Variants in NDST4 observed in about 807,000 individuals in gnomAD.
NDST4 encodes the protein N-deacetylase and N-sulfotransferase 4.
Under a neutral mutation model 100.8 loss-of-function variants are expected in NDST4, and 63 were observed. The ratio of observed to expected loss-of-function variants is 0.62; its 90% CI spans 0.51 to 0.77. The LOEUF (loss-of-function observed/expected upper bound fraction) is 0.77. NDST4 is among the 30% of genes least tolerant of loss of function. The pLI, the probability that NDST4 is intolerant of heterozygous loss-of-function variation, is 0.00. For missense variants in NDST4, 943 were observed against 1,018.4 expected, an observed-to-expected ratio of 0.93 and a Z score of 1.01; for synonymous variants, 377 against 361.8, an observed-to-expected ratio of 1.04 and a Z score of -0.48.
At chr4:115,092,179 G>A (rs1023009955) in intron 1 of NDST4, among the ~76,000 whole-genome samples, 2 of 152,090 alleles carry the variant, frequency 1.3e-5, no homozygotes, top group African/African-American at 4.8e-5. Context: ...AAGTGCCACT[G>A]CTATTGGTGC....
chr4:114,878,001 G>T (rs1454458124), intron 6 of NDST4, among the ~76,000 whole-genome samples: 1 of 150,640 alleles, frequency 6.6e-6, no homozygotes, highest in Non-Finnish European at 1.5e-5. Flanking sequence ...AATAAAGAAA[G>T]AAAGGAAGAA....
chr4:115,097,693 T>C (rs952996654), intron 1 of NDST4, among the ~76,000 whole-genome samples: 3 of 152,116 alleles, frequency 2.0e-5, no homozygotes, highest in African/African-American at 7.2e-5. Flanking sequence ...CATTTTACAA[T>C]GTAATTAAGG....
At chr4:114,910,655 T>C (rs754876100) in intron 6 of NDST4, among the ~76,000 whole-genome samples, 8 of 152,208 alleles carry the variant, frequency 5.3e-5, no homozygotes, top group Admixed American at 2.6e-4. Flanking sequence ...CATTGTTATG[T>C]AGCACTTGAA....
At chr4:114,898,380 T>G (rs910138028) in intron 6 of NDST4, among the ~76,000 whole-genome samples, 3 of 152,206 alleles carry the variant, frequency 2.0e-5, no homozygotes, top group African/African-American at 7.2e-5. Context: ...TGAATGTCTC[T>G]TTCTGGATTT....
intron 12 of NDST4, among the ~76,000 whole-genome samples, chr4:114,831,797 T>G (rs769074000): frequency 6.6e-6 from 1 of 152,250 alleles, no homozygotes; most frequent in Non-Finnish European, 1.5e-5. Context: ...CAACTTCATA[T>G]GCCTTAAGTC....
rs376290249 is a variant in NDST4, at chr4:115,097,808, TCTA to T, written c.-247+15633_-247+15635del. Among the ~76,000 whole-genome samples, 45 of 152,318 alleles carry T rather than the reference TCTA, an allele frequency of 3.0e-4. No homozygotes were observed. The East Asian group carries it at 8.3e-3, about 28-fold the overall frequency. ...TGGTCCACACAGTTCTACCAAGTATTCTACTACATCTTCCCTACTGGGCCTCTC... is the reference window on the plus strand; with the variant it reads ...TGGTCCACACAGTTCTACCAAGTATTCTACATCTTCCCTACTGGGCCTCTC... On this transcript the variant is annotated intron_variant, in intron 1 of 13. Transcript: ENST00000264363.
chr4:114,904,562 C>A (rs1439770503), intron 6 of NDST4, among the ~76,000 whole-genome samples: 1 of 151,754 alleles, frequency 6.6e-6, no homozygotes, highest in African/African-American at 2.4e-5. Context: ...ATGCCTGAAA[C>A]TTATTTTTGA....
intron 6 of NDST4, among the ~76,000 whole-genome samples, chr4:114,877,874 C>T (rs138084160): frequency 1.7e-3 from 256 of 151,484 alleles, no homozygotes; most frequent in African/African-American, 5.9e-3. Flanking sequence ...ATTGCTTCAA[C>T]GCTGGAGGCA....
intron 4 of NDST4, among the ~76,000 whole-genome samples, chr4:114,943,398 A>G (rs944496479): frequency 2.0e-5 from 3 of 152,122 alleles, no homozygotes; most frequent in African/African-American, 7.2e-5. Context: ...TGCTGTGTTC[A>G]GGTTAAAGTA....
At chr4:114,904,411 T>C (rs1451988362) in intron 6 of NDST4, among the ~76,000 whole-genome samples, 1 of 151,954 alleles carries the variant, frequency 6.6e-6, no homozygotes, top group African/African-American at 2.4e-5. Context: ...TTATTAGTAA[T>C]GTAATTGATA....
intron 6 of NDST4, among the ~76,000 whole-genome samples, chr4:114,900,968 A>G (rs1363109249): frequency 1.3e-5 from 2 of 151,596 alleles, no homozygotes; most frequent in African/African-American, 4.8e-5. Context: ...TCTTTCTATT[A>G]TTGATTTCTA....
intron 2 of NDST4, among the ~76,000 whole-genome samples, chr4:115,000,854 G>A (rs1015415457): frequency 1.3e-5 from 2 of 152,196 alleles, no homozygotes; most frequent in Non-Finnish European, 2.9e-5. Context: ...TACAGTACTG[G>A]AGGCTGAGAA....
intron 2 of NDST4, among the ~76,000 whole-genome samples, chr4:115,031,515 A>C (rs1252627470): frequency 6.6e-6 from 1 of 152,028 alleles, no homozygotes; most frequent in Admixed American, 6.6e-5. Context: ...ATTCCAAGTA[A>C]GAGTAAGCCA....
chr4:114,931,133 T>A (rs1457403419), intron 6 of NDST4, among the ~76,000 whole-genome samples: 2 of 151,948 alleles, frequency 1.3e-5, no homozygotes, highest in Admixed American at 6.6e-5. Flanking sequence ...TTATGATTTT[T>A]AATTTTTGGC....
chr4:114,895,715 C>G (rs895855619), intron 6 of NDST4, among the ~76,000 whole-genome samples: 1 of 152,092 alleles, frequency 6.6e-6, no homozygotes, highest in Admixed American at 6.6e-5. Context: ...CCCTGATGAA[C>G]ATTGATGTGA....
chr4:114,915,647 C>A (rs1392439392), intron 6 of NDST4, among the ~76,000 whole-genome samples: 1 of 152,084 alleles, frequency 6.6e-6, no homozygotes, highest in African/African-American at 2.4e-5. Flanking sequence ...TTTCTAAATA[C>A]AAGTTCATTT....
chr4:114,991,553 C>T lies in NDST4; in HGVS notation c.979-14279G>A, dbSNP rs150055055. ...AATACACATTGTATATTCAGAAAAA[C>T]CTGGCTGCTAAAATGTGACATTCCT... On this transcript the variant is annotated intron_variant, in intron 2 of 13. Coordinates refer to ENST00000264363, the MANE Select transcript of NDST4 (RefSeq NM_022569.3). Among the ~76,000 whole-genome samples, 8 of 152,104 alleles carry T rather than the reference C, an allele frequency of 5.3e-5. No homozygotes were observed. The East Asian group carries it at 1.5e-3, about 29-fold the overall frequency.
chr4:115,039,408 G>A (rs868419848), intron 2 of NDST4, among the ~76,000 whole-genome samples: 2 of 151,516 alleles, frequency 1.3e-5, no homozygotes, highest in African/African-American at 4.9e-5. Context: ...ACTAACAGAA[G>A]TTTCCAGTGT....
chr4:114,918,895 T>G (rs1425466744), intron 6 of NDST4, among the ~76,000 whole-genome samples: 4 of 152,234 alleles, frequency 2.6e-5, no homozygotes, highest in African/African-American at 9.6e-5. Flanking sequence ...CTCCCCAATC[T>G]GCAGATTGTT....
Sources: allele counts gnomAD v4.1 joint callset (sites outside exome capture counted in the v4.1 genomes callset), GRCh38; gene constraint gnomAD v4.1.1; transcripts MANE v1.5; gene names NCBI Gene and HGNC (gene_info 2026-07-23, HGNC 2026-07-21).